ASIC2: variants seen among roughly 807,000 people sequenced by gnomAD.
ASIC2 encodes the protein acid-sensing ion channel 2.
A neutral mutation model predicts 57.3 loss-of-function variants in ASIC2; 25 were observed. The observed-to-expected ratio is 0.44, with a 90% CI of 0.32 to 0.61. ASIC2 has a LOEUF of 0.61. Ranked by LOEUF, ASIC2 falls within the 20% of genes least tolerant of loss-of-function variation. ASIC2 has a pLI of 0.06. For synonymous variants in ASIC2, 319 were observed against 307.5 expected (o/e 1.04, Z -0.39); for missense variants, 641 against 738.1 (o/e 0.87, Z 1.52).
intron 1 of ASIC2, among the ~76,000 whole-genome samples, chr17:33,892,143 GTTATGTTTGTACTCA>G (rs1226398022): frequency 6.6e-6 from 1 of 152,190 alleles, no homozygotes; most frequent in Admixed American, 6.5e-5. Context: ...TTGTAACAGA[GTTATGTTTGTACTCA>G]TTTGAGAAAT....
At chr17:33,948,201 C>G (rs932272842) in intron 1 of ASIC2, among the ~76,000 whole-genome samples, 2 of 152,216 alleles carry the variant, frequency 1.3e-5, no homozygotes, top group Admixed American at 1.3e-4. Context: ...AATCTATAAG[C>G]TGAATTTGAC....
intron 1 of ASIC2, among the ~76,000 whole-genome samples, chr17:33,121,111 G>A (rs2092300744): frequency 6.6e-6 from 1 of 152,244 alleles, no homozygotes; most frequent in Non-Finnish European, 1.5e-5. Context: ...CAGGCAGGGA[G>A]TATTCCTGCT....
At chr17:33,306,126 C>G (rs1438643989) in intron 1 of ASIC2, among the ~76,000 whole-genome samples, 5 of 151,916 alleles carry the variant, frequency 3.3e-5, no homozygotes, top group Non-Finnish European at 5.9e-5. Flanking sequence ...CATTTTTTTC[C>G]CTGAAGGAAT....
chr17:33,274,931 C>T (rs1246072380), intron 1 of ASIC2, among the ~76,000 whole-genome samples: 1 of 152,154 alleles, frequency 6.6e-6, no homozygotes, highest in African/African-American at 2.4e-5. Flanking sequence ...GTCAAAGTGA[C>T]CAGATGATCC....
intron 1 of ASIC2, among the ~76,000 whole-genome samples, chr17:33,781,978 T>G (rs757364020): frequency 2.6e-5 from 4 of 152,158 alleles, no homozygotes; most frequent in Admixed American, 6.5e-5. Flanking sequence ...GAACCTCCCC[T>G]GCATGGTCTC....
intron 1 of ASIC2, among the ~76,000 whole-genome samples, chr17:34,095,646 T>TATAGAGAGAG (rs1555595846): frequency 1.7e-5 from 2 of 119,012 alleles, no homozygotes; most frequent in African/African-American, 7.4e-5. Context: ...TATATATATA[T>TATAGAGAGAG]ATATATATAA....
intron 1 of ASIC2, among the ~76,000 whole-genome samples, chr17:34,062,547 C>CA (rs557400775): frequency 6.6e-6 from 1 of 151,386 alleles, no homozygotes; most frequent in African/African-American, 2.4e-5. Context: ...GAAATTGAAA[C>CA]AAAAAAAGAT....
chr17:33,183,603 AAC>A (rs774600438), intron 1 of ASIC2, among the ~76,000 whole-genome samples: 5 of 152,352 alleles, frequency 3.3e-5, no homozygotes, highest in Admixed American at 6.5e-5. Context: ...TTACTCAAAA[AAC>A]ACAGACACTG....
intron 1 of ASIC2, among the ~76,000 whole-genome samples, chr17:33,605,519 AG>A (rs1307433393): frequency 6.6e-6 from 1 of 152,246 alleles, no homozygotes; most frequent in Non-Finnish European, 1.5e-5. Context: ...AGGCACTCTG[AG>A]GACCGCTTTA....
At chr17:34,065,167 A>G (rs1422103453) in intron 1 of ASIC2, among the ~76,000 whole-genome samples, 2 of 152,226 alleles carry the variant, frequency 1.3e-5, no homozygotes, top group Non-Finnish European at 2.9e-5. Context: ...AAATTGTGGC[A>G]TATATATGTG....
intron 1 of ASIC2, among the ~76,000 whole-genome samples, chr17:33,171,957 T>C (rs908289966): frequency 6.6e-6 from 1 of 152,214 alleles, no homozygotes; most frequent in African/African-American, 2.4e-5. Flanking sequence ...GGCCAATTTC[T>C]CTCCTCACAC....
At chr17:33,574,431 T>G (rs1388124203) in intron 1 of ASIC2, among the ~76,000 whole-genome samples, 1 of 152,238 alleles carries the variant, frequency 6.6e-6, no homozygotes, top group Non-Finnish European at 1.5e-5. Context: ...TTCTTAGCAG[T>G]AGCACTATCA....
chr17:33,270,048 T>A (rs1339308799), intron 1 of ASIC2, among the ~76,000 whole-genome samples: 1 of 152,208 alleles, frequency 6.6e-6, no homozygotes, highest in Admixed American at 6.5e-5. Context: ...CACTTAGCAT[T>A]CACTCTAACT....
intron 1 of ASIC2, among the ~76,000 whole-genome samples, chr17:33,629,659 C>T (rs1354781590): frequency 6.6e-6 from 1 of 152,084 alleles, no homozygotes; most frequent in African/African-American, 2.4e-5. Context: ...GGGAGGATAC[C>T]ATAGCCATGG....
chr17:33,876,477 T>C (rs567710126), intron 1 of ASIC2, among the ~76,000 whole-genome samples: 6 of 152,318 alleles, frequency 3.9e-5, no homozygotes, highest in African/African-American at 1.4e-4. Context: ...ACTTGAGTAA[T>C]TTATATTTTT....
At chr17:33,940,721 C>T (rs1597940385) in intron 1 of ASIC2, among the ~76,000 whole-genome samples, 1 of 152,314 alleles carries the variant, frequency 6.6e-6, no homozygotes, top group African/African-American at 2.4e-5. Flanking sequence ...CAAATCTTTG[C>T]AAATTGAGAC....
chr17:33,175,564 G>A (rs1195526743), intron 1 of ASIC2, among the ~76,000 whole-genome samples: 1 of 151,678 alleles, frequency 6.6e-6, no homozygotes, highest in East Asian at 1.9e-4. Context: ...GTATTGCGGC[G>A]CTTGTGGCAG....
At chr17:33,179,253 C>G (rs1035632701) in intron 1 of ASIC2, among the ~76,000 whole-genome samples, 3 of 152,248 alleles carry the variant, frequency 2.0e-5, no homozygotes, top group Admixed American at 2.0e-4. Context: ...CTTAATACCC[C>G]CTGTGAGATT....
intron 1 of ASIC2, among the ~76,000 whole-genome samples, chr17:33,148,288 T>C (rs1337476777): frequency 6.6e-6 from 1 of 152,166 alleles, no homozygotes; most frequent in Non-Finnish European, 1.5e-5. Flanking sequence ...GTGATTAAAC[T>C]CATTCCACAG....
Sources: allele counts gnomAD v4.1 joint callset (sites outside exome capture counted in the v4.1 genomes callset), GRCh38; gene constraint gnomAD v4.1.1; transcripts MANE v1.5; gene names NCBI Gene and HGNC (gene_info 2026-07-23, HGNC 2026-07-21).